C2orf76: variants seen among roughly 807,000 people sequenced by gnomAD.
The protein encoded by C2orf76 is chromosome 2 open reading frame 76, also known as UPF0538 protein C2orf76.
Under a neutral mutation model 16.9 loss-of-function variants are expected in C2orf76, and 23 were observed. The observed-to-expected ratio is 1.36, with a 90% CI of 0.98 to 1.93. C2orf76 has a LOEUF of 1.93. Among genes scored for constraint, C2orf76 ranks in the 30% most tolerant of loss-of-function variants. The pLI is 0.00. For missense variants in C2orf76, 152 were observed against 152.6 expected (o/e 1.00, Z 0.02); for synonymous variants, 48 against 52.3 (o/e 0.92, Z 0.35).
chr2:119,338,017 A>T (rs1210510364), intron 2 of C2orf76, among the ~76,000 whole-genome samples: 1 of 152,228 alleles, frequency 6.6e-6, no homozygotes, highest in Non-Finnish European at 1.5e-5. Flanking sequence ...AAACACTGTA[A>T]TCCACAATAC....
intron 5 of C2orf76, among the ~76,000 whole-genome samples, chr2:119,306,898 C>CG (rs1678807231): frequency 6.6e-6 from 1 of 152,062 alleles, no homozygotes; most frequent in Non-Finnish European, 1.5e-5. Flanking sequence ...TCTTCAAACA[C>CG]CTTTTTTTCC....
At chr2:119,363,438 C>CAA (rs767310960) in intron 1 of C2orf76, among the ~76,000 whole-genome samples, 6 of 138,178 alleles carry the variant, frequency 4.3e-5, no homozygotes, top group African/African-American at 5.3e-5. Flanking sequence ...AAAAAAAAGG[C>CAA]AAAAAAAAAA....
At chr2:119,363,241 A>G (rs1043851223) in intron 1 of C2orf76, among the ~76,000 whole-genome samples, 2 of 152,006 alleles carry the variant, frequency 1.3e-5, no homozygotes, top group African/African-American at 4.8e-5. Flanking sequence ...TGGCTAACAC[A>G]GTGAAACCCC....
intron 2 of C2orf76, among the ~76,000 whole-genome samples, chr2:119,332,059 A>G (rs562514863): frequency 6.6e-6 from 1 of 152,332 alleles, no homozygotes; most frequent in South Asian, 2.1e-4. Context: ...TAACAAATAT[A>G]CTACTGAAAA....
At chr2:119,366,907 C>T (rs565219281), upstream of C2orf76, 6 of 1,065,144 alleles carry the variant, frequency 5.6e-6, no homozygotes, top group South Asian at 4.3e-5. Flanking sequence ...TAGCTGGCTT[C>T]TGATTGGCTT....
At chr2:119,325,565 T>C (rs1679484384) in intron 2 of C2orf76, among the ~76,000 whole-genome samples, 1 of 151,770 alleles carries the variant, frequency 6.6e-6, no homozygotes, top group South Asian at 2.1e-4. Flanking sequence ...TGCAGTGAGC[T>C]ATGGTTGCAC....
intron 1 of C2orf76, among the ~76,000 whole-genome samples, chr2:119,354,436 A>C (rs1452743640): frequency 6.6e-6 from 1 of 152,218 alleles, no homozygotes; most frequent in Non-Finnish European, 1.5e-5. Flanking sequence ...AGGCACGAGA[A>C]TCGCCTGAAC....
At chr2:119,311,193 C>T (rs1320957385) in intron 5 of C2orf76, 4 of 985,296 alleles carry the variant, frequency 4.1e-6, no homozygotes, top group Non-Finnish European at 4.8e-6. Context: ...CCTTGGTGGG[C>T]CCTGAGTGAT....
intron 2 of C2orf76, among the ~76,000 whole-genome samples, chr2:119,335,473 G>A (rs1679818934): frequency 6.6e-6 from 1 of 152,158 alleles, no homozygotes; most frequent in Non-Finnish European, 1.5e-5. Context: ...CACACTGAGG[G>A]CATATGTCAG....
At chr2:119,304,076 T>C (rs1678701812) in intron 5 of C2orf76, among the ~76,000 whole-genome samples, 1 of 152,206 alleles carries the variant, frequency 6.6e-6, no homozygotes, top group Admixed American at 6.5e-5. Context: ...CTTCAAAAAC[T>C]TCAATATTCA....
intron 2 of C2orf76, among the ~76,000 whole-genome samples, chr2:119,327,794 A>G (rs1464655476): frequency 6.6e-6 from 1 of 152,102 alleles, no homozygotes; most frequent in African/African-American, 2.4e-5. Context: ...TTTATAAATT[A>G]CCCAGCTTCA....
the C2orf76 span, among the ~76,000 whole-genome samples, chr2:119,287,781 C>T: frequency 0.021 from 3,199 of 152,128 alleles, 101 homozygotes; most frequent in African/African-American, 0.072. Context: ...TAGATTTGGA[C>T]GCAACTGTGT....
chr2:119,344,826 T>C (rs187611711), intron 1 of C2orf76, among the ~76,000 whole-genome samples: 1 of 152,268 alleles, frequency 6.6e-6, no homozygotes, highest in African/African-American at 2.4e-5. Flanking sequence ...CAGAAATAGA[T>C]GGACAAATCT....
the C2orf76 span, among the ~76,000 whole-genome samples, chr2:119,281,985 A>G: frequency 2.0e-5 from 3 of 152,060 alleles, no homozygotes; most frequent in Admixed American, 2.0e-4. Context: ...GGCCATTAAG[A>G]TATAAAAATT....
At chr2:119,330,429 T>A (rs1679640946) in intron 2 of C2orf76, among the ~76,000 whole-genome samples, 2 of 152,122 alleles carry the variant, frequency 1.3e-5, no homozygotes, top group African/African-American at 4.8e-5. Context: ...TGGCTGTCAA[T>A]TTCATCTTTG....
chr2:119,281,844 C>G, the C2orf76 span, among the ~76,000 whole-genome samples: 2 of 152,072 alleles, frequency 1.3e-5, no homozygotes, highest in Admixed American at 1.3e-4. Context: ...AAACTGAAAC[C>G]TCTTCCTCAC....
intron 1 of C2orf76, among the ~76,000 whole-genome samples, chr2:119,340,955 T>C (rs758889934): frequency 8.6e-5 from 13 of 151,932 alleles, no homozygotes; most frequent in Non-Finnish European, 1.5e-4. Flanking sequence ...TGTCAAATCT[T>C]AACATTCTGA....
At chr2:119,297,922 T>A (rs942286217), downstream of C2orf76, among the ~76,000 whole-genome samples, 3 of 152,194 alleles carry the variant, frequency 2.0e-5, no homozygotes, top group Admixed American at 1.3e-4. Flanking sequence ...GGCAATTGCC[T>A]GATGGATTTT....
chr2:119,323,558 G>A lies in C2orf76; in HGVS notation c.134-2354C>T, dbSNP rs76698756. 3.0e-3 allele frequency among the ~76,000 whole-genome samples: 464 copies of A among 152,178 alleles called. 2 individuals are homozygous for A. Among genetic ancestry groups the A allele is most frequent in the African/African-American group, 0.011 (442 of 41,500 alleles). ...AGTGTGGTCCTCACCCCGGCTGCAC[G>A]TCAGGATCACCCAGCCTGGCACGAG... On this transcript the variant is annotated intron_variant, in intron 2 of 5. Coordinates refer to ENST00000334816, the MANE Select transcript of C2orf76 (RefSeq NM_001322331.2).
Sources: allele counts gnomAD v4.1 joint callset (sites outside exome capture counted in the v4.1 genomes callset), GRCh38; gene constraint gnomAD v4.1.1; transcripts MANE v1.5; gene names NCBI Gene and HGNC (gene_info 2026-07-23, HGNC 2026-07-21).